ITGAD: variants seen among roughly 807,000 people sequenced by gnomAD.
ITGAD encodes the protein integrin subunit alpha D.
ITGAD carries 105 observed loss-of-function variants against 139.0 expected under a neutral mutation model. The observed-to-expected ratio is 0.76, with a 90% CI of 0.65 to 0.89. ITGAD has a LOEUF of 0.89. ITGAD is among the 40% of genes least tolerant of loss of function. The probability of loss-of-function intolerance (pLI) is 0.00; values close to 1 mark genes in which losing one functional copy is unlikely to be tolerated. For missense variants in ITGAD, 1,384 were observed against 1,487.3 expected, an observed-to-expected ratio of 0.93 and a Z score of 1.14; for synonymous variants, 569 against 598.3, an observed-to-expected ratio of 0.95 and a Z score of 0.71.
chr16:31,403,616 G>A lies in ITGAD; in HGVS notation c.675G>A (p.Thr225=), dbSNP rs757854547. 18 of 1,614,026 alleles carry A rather than the reference G, an allele frequency of 1.1e-5. No individual in the cohort carries two copies. The South Asian group carries it at 1.3e-4, about 12-fold the overall frequency. Residue 225 remains threonine (T), a synonymous_variant, in exon 7 of 30, where the codon ACG becomes ACA. Transcript: ENST00000389202. This position sits in a 1 kb window ranked among gnomAD's most constrained non-coding sequence, Gnocchi z 4.4. The stretch of plus-strand genomic sequence containing the variant: ...CCATCGTCCAACTGAAAGGCCTGAC[G>A]TTCACGGCCACGGGCATCCTGACAG... ...VDPIVQLKGL[T]FTATGILTVV...
At position 31,423,083 on chromosome 16, in the gene ITGAD, G is replaced by T. The variant is rs190825528; in HGVS notation, c.2781-31G>T. On this transcript the variant is annotated intron_variant, in intron 23 of 29. Transcript: ENST00000389202. Reference sequence around the variant, plus strand: ...GGGCACAACTGGGGACAGTTTCAGGGCTGTTTTTCACCCACAGGCTCTCTC... The same window carrying T: ...GGGCACAACTGGGGACAGTTTCAGGTCTGTTTTTCACCCACAGGCTCTCTC... The T allele has an allele frequency of 9.9e-5, 156 of 1,574,184 alleles. No homozygotes were observed. In the African/African-American group the frequency reaches 2.0e-3, roughly 20 times the overall value.
rs1033865604 is a variant in ITGAD, at chr16:31,408,310, C to G, written c.1010-115C>G. 1.7e-5 allele frequency: 14 copies of G among 846,770 alleles called. No homozygotes were observed. The African/African-American group carries it at 2.3e-4, about 14-fold the overall frequency. The allele number at this position is 846,770 out of a possible 1,614,324, so 52.5% of individuals were successfully genotyped here. A position where few individuals can be genotyped will look rare whatever the true frequency, so the allele number is the denominator to read the frequency against. ...CTTGATGGGCCATTCCTGTTCACAA[C>G]TCACTCAAAATTGCTGTCTGGAACC... On this transcript the variant is annotated intron_variant, in intron 9 of 29. Transcript: ENST00000389202.
Position 31,426,133 on chromosome 16 carries a change from C to A in ITGAD, c.*5C>A. On this transcript the variant is annotated 3_prime_UTR_variant, in exon 30 of 30. Coordinates refer to ENST00000389202, the MANE Select transcript of ITGAD (RefSeq NM_005353.3). ...CCAAATGTGCCTTTGTCCTAATAATCCACTTTCCTGTTTATCTCTACCACT... is the reference window on the plus strand; with the variant it reads ...CCAAATGTGCCTTTGTCCTAATAATACACTTTCCTGTTTATCTCTACCACT... 1 of 1,579,330 alleles carries A rather than the reference C, an allele frequency of 6.3e-7. No individual in the cohort carries two copies. Among genetic ancestry groups the A allele is most frequent in the Non-Finnish European group, 8.7e-7 (1 of 1,149,016 alleles).
intron 29 of ITGAD, among the ~76,000 whole-genome samples, chr16:31,425,062 C>A (rs975663772): frequency 1.3e-5 from 2 of 152,076 alleles, no homozygotes; most frequent in African/African-American, 4.8e-5. Flanking sequence ...CTCTCTAAGC[C>A]TGTTTCTCTC....
intron 14 of ITGAD, 65 bp from the exon 15 acceptor site, chr16:31,412,773 T>A: frequency 6.2e-7 from 1 of 1,601,666 alleles, no homozygotes; most frequent in Non-Finnish European, 8.5e-7. Flanking sequence ...ATATTCCCCT[T>A]GTTACTTATT....
intron 11 of ITGAD, 53 bp from the exon 12 acceptor site, chr16:31,410,683 G>A: frequency 6.3e-7 from 1 of 1,577,784 alleles, no homozygotes; most frequent in Non-Finnish European, 8.6e-7. Context: ...TGGGGGTCCA[G>A]GGTTCTGGGG....
Position 31,411,394 on chromosome 16 carries a change from G to A in ITGAD, c.1584G>A (p.Gly528=), listed in dbSNP as rs201597756. The A allele has an allele frequency of 2.7e-5, 44 of 1,613,922 alleles. No homozygotes were observed. The highest frequency in any genetic ancestry group is 4.0e-5 in the African/African-American group (3 of 74,890). Residue 528 remains glycine (G), a synonymous_variant, in exon 14 of 30, where the codon GGG becomes GGA. Transcript: ENST00000389202. ...GRFGAALTVL[G]DVNEDKLIDV... ...TTGGGGCAGCCCTGACAGTGTTGGGGGATGTGAATGAGGACAAGCTGATAG... is the reference window on the plus strand; with the variant it reads ...TTGGGGCAGCCCTGACAGTGTTGGGAGATGTGAATGAGGACAAGCTGATAG...
intron 11 of ITGAD, 70 bp downstream of exon 11, chr16:31,410,594 G>T (rs1204848566): frequency 1.3e-6 from 2 of 1,572,048 alleles, no homozygotes; most frequent in African/African-American, 2.7e-5. Context: ...GGGTTCTGGG[G>T]AGGGGGGATG....
At chr16:31,417,539 C>A (rs2142816604) in intron 20 of ITGAD, among the ~76,000 whole-genome samples, 1 of 152,178 alleles carries the variant, frequency 6.6e-6, no homozygotes, top group Middle Eastern at 3.4e-3. Flanking sequence ...GATCCAATTT[C>A]TTTTTCTTCT....
intron 20 of ITGAD, among the ~76,000 whole-genome samples, chr16:31,417,417 G>C (rs1443367099): frequency 6.6e-6 from 1 of 151,522 alleles, no homozygotes; most frequent in Non-Finnish European, 1.5e-5. Flanking sequence ...AACACTTCCA[G>C]GTTATGAAAA....
Position 31,403,588 on chromosome 16 carries a change from A to G in ITGAD, c.647A>G (p.Asp216Gly). 1 of 1,614,166 alleles carries G rather than the reference A, an allele frequency of 6.2e-7. No individual in the cohort carries two copies. The highest frequency in any genetic ancestry group is 8.5e-7 in the Non-Finnish European group (1 of 1,180,022). ...RTSPSQQSLVDPIVQLKGLTF... is the reference protein window; with the variant it reads ...RTSPSQQSLVGPIVQLKGLTF... ...AGCCCGAGCCAGCAGAGCCTGGTGGATCCCATCGTCCAACTGAAAGGCCTG... is the reference window on the plus strand; with the variant it reads ...AGCCCGAGCCAGCAGAGCCTGGTGGGTCCCATCGTCCAACTGAAAGGCCTG... The change falls in exon 7 of 30, where the codon GAT becomes GGT. Residue 216 changes from aspartate to glycine, a missense_variant. Physicochemically the swap from Asp to Gly is moderately conservative, Grantham distance 94 (BLOSUM62 -1). Coordinates refer to ENST00000389202, the MANE Select transcript of ITGAD (RefSeq NM_005353.3). This position sits in a 1 kb window ranked among gnomAD's most constrained non-coding sequence, Gnocchi z 4.4.
intron 18 of ITGAD, among the ~76,000 whole-genome samples, chr16:31,415,675 C>T (rs775052671): frequency 3.3e-5 from 5 of 152,168 alleles, no homozygotes; most frequent in Non-Finnish European, 5.9e-5. Context: ...GAAAACAGTG[C>T]CTTCTGCCTT....
At chr16:31,401,088 G>A (rs1274522491) in intron 5 of ITGAD, among the ~76,000 whole-genome samples, 2 of 151,982 alleles carry the variant, frequency 1.3e-5, no homozygotes, top group Non-Finnish European at 2.9e-5. Flanking sequence ...GCGAAACTCC[G>A]TCTCTACAAA....
At chr16:31,396,601 T>C (rs755694534) in intron 2 of ITGAD, among the ~76,000 whole-genome samples, 2 of 152,206 alleles carry the variant, frequency 1.3e-5, no homozygotes, top group Non-Finnish European at 2.9e-5. Flanking sequence ...CCCTGAATCA[T>C]GATGCACAGG....
In ITGAD at chr16:31,418,564, G is replaced by A. The variant is rs763589478; in HGVS notation, c.2780G>A (p.Arg927Lys). 1 of 1,613,558 alleles carries A rather than the reference G, an allele frequency of 6.2e-7. No individual in the cohort carries two copies. Among genetic ancestry groups the A allele is most frequent in the Admixed American group, 1.7e-5 (1 of 60,022 alleles). Residue 927 changes from arginine (R) to lysine (K), a missense_variant and splice_region_variant, in exon 23 of 30, where the codon AGG becomes AAG. Coordinates refer to ENST00000389202, the MANE Select transcript of ITGAD (RefSeq NM_005353.3). Reference sequence around the variant, plus strand: ...TATGCAGTCTACACCATGATCAGCAGGTGCCCAGTCCCTGGCCTTCCCCTT... The same window carrying A: ...TATGCAGTCTACACCATGATCAGCAAGTGCCCAGTCCCTGGCCTTCCCCTT... ...VKYAVYTMIS[R>K]QEESTKYFNF...
Position 31,403,415 on chromosome 16 carries a change from G to C in ITGAD, c.559-85G>C. The C allele has an allele frequency of 6.6e-7, 1 of 1,510,554 alleles. No individual in the cohort carries two copies. Among genetic ancestry groups the C allele is most frequent in the Non-Finnish European group, 9.1e-7 (1 of 1,102,094 alleles). The allele number at this position is 1,510,554 out of a possible 1,614,324, so 93.6% of individuals were successfully genotyped here. A position where few individuals can be genotyped will look rare whatever the true frequency, so the allele number is the denominator to read the frequency against. On this transcript the variant is annotated intron_variant, in intron 6 of 29. Transcript: ENST00000389202. The surrounding 1 kb of genome is among the most constrained non-coding windows in gnomAD (Gnocchi z 4.4). The stretch of plus-strand genomic sequence containing the variant: ...GAGGATCACTTGAGGCCAGGAGTTT[G>C]AGAGACCCTGTCTCTACAAAAAATT...
chr16:31,409,726 A>T (rs991419522), intron 10 of ITGAD, among the ~76,000 whole-genome samples: 1 of 151,942 alleles, frequency 6.6e-6, no homozygotes, highest in African/African-American at 2.4e-5. Flanking sequence ...CCTGGGCAAC[A>T]TAGTGAGACC....
Position 31,403,191 on chromosome 16 carries a change from T to A in ITGAD, c.559-309T>A, listed in dbSNP as rs866685912. The stretch of plus-strand genomic sequence containing the variant: ...AAGTTTATTAAAACTGAAAACAATA[T>A]GGCTTGGTGTGGTGGCTCACACCTG... On this transcript the variant is annotated intron_variant, in intron 6 of 29. Transcript: ENST00000389202. This position sits in a 1 kb window ranked among gnomAD's most constrained non-coding sequence, Gnocchi z 4.4. 3.0e-4 allele frequency: 64 copies of A among 210,962 alleles called. No homozygotes were observed. Among genetic ancestry groups the A allele is most frequent in the Middle Eastern group, 3.4e-3 (2 of 592 alleles). 13.1% of individuals were successfully genotyped at this position (210,962 alleles called of 1,614,324 possible).
Position 31,424,532 on chromosome 16 carries a change from G to C in ITGAD, c.3327G>C (p.Val1109=). 3 of 1,613,988 alleles carry C rather than the reference G, an allele frequency of 1.9e-6. No individual in the cohort carries two copies. The highest frequency in any genetic ancestry group is 2.5e-6 in the Non-Finnish European group (3 of 1,179,914). The part of the protein sequence containing the change: ...NAIPIIMGSS[V]GALLLLALIT... ...TTCCCATCATCATGGGCAGCTCTGT[G>C]GGGGCTCTGCTACTGCTGGCGCTCA... The change falls in exon 29 of 30, where the codon GTG becomes GTC. Residue 1109 remains valine (V), a synonymous_variant. Transcript: ENST00000389202.
Sources: allele counts gnomAD v4.1 joint callset (sites outside exome capture counted in the v4.1 genomes callset), GRCh38; gene constraint gnomAD v4.1.1; non-coding constraint Gnocchi (gnomAD v3.1); transcripts MANE v1.5; gene names NCBI Gene and HGNC (gene_info 2026-07-23, HGNC 2026-07-21).